The following FLT4 variants were observed in gnomAD, a reference collection of about 807,000 sequenced individuals.
The protein encoded by FLT4 is fms related receptor tyrosine kinase 4.
A neutral mutation model predicts 163.2 loss-of-function variants in FLT4; 30 were observed. The observed-to-expected ratio is 0.18, with a 90% CI of 0.14 to 0.25. The LOEUF (loss-of-function observed/expected upper bound fraction) is 0.25. Ranked by LOEUF, FLT4 falls within the 10% of genes least tolerant of loss-of-function variation. FLT4 has a pLI of 1.00. For synonymous variants in FLT4, 884 were observed against 789.5 expected, an observed-to-expected ratio of 1.12 and a Z score of -2.01; for missense variants, 1,510 against 1,863.8, an observed-to-expected ratio of 0.81 and a Z score of 3.50.
intron 26 of FLT4, 98 bp from the exon 27 acceptor site, chr5:180,611,577 A>AC: frequency 1.8e-6 from 2 of 1,088,170 alleles, no homozygotes; most frequent in South Asian, 1.6e-5. Flanking sequence ...CTCAGCCCTC[A>AC]CCCCCGCCCT....
At chr5:180,631,939 C>T (rs909325688) in intron 1 of FLT4, among the ~76,000 whole-genome samples, 161 bp from the exon 2 acceptor site, 14 of 152,206 alleles carry the variant, frequency 9.2e-5, no homozygotes, top group South Asian at 2.1e-4. Context: ...CCATGTGCGC[C>T]GTGAGCAGCA....
At chr5:180,626,339 CA>C in intron 8 of FLT4, 74 bp from the exon 9 acceptor site, 1 of 1,544,566 alleles carries the variant, frequency 6.5e-7, no homozygotes, top group Non-Finnish European at 8.9e-7. Context: ...ACCCCCACCC[CA>C]AATACAGTTG....
intron 1 of FLT4, among the ~76,000 whole-genome samples, chr5:180,643,966 C>T (rs981378977): frequency 1.3e-5 from 2 of 152,086 alleles, no homozygotes; most frequent in Admixed American, 6.6e-5. Flanking sequence ...GGATTACAGA[C>T]GCCTGCCACC....
chr5:180,643,594 T>G (rs1765291656), intron 1 of FLT4, among the ~76,000 whole-genome samples: 1 of 152,146 alleles, frequency 6.6e-6, no homozygotes, highest in Non-Finnish European at 1.5e-5. Flanking sequence ...AACCATCCCC[T>G]GCCCCTTTGC....
At position 180,636,958 on chromosome 5, in the gene FLT4, G is replaced by A. The variant is rs1490958669; in HGVS notation, c.59-5180C>T. Reference sequence around the variant, plus strand: ...AAACAGCACAACACTGGCAGCACAAGGCCCCCACAGGAGCTCCTCCCCCCC... The same window carrying A: ...AAACAGCACAACACTGGCAGCACAAAGCCCCCACAGGAGCTCCTCCCCCCC... On this transcript the variant is annotated intron_variant, in intron 1 of 29. Transcript: ENST00000261937. The surrounding 1 kb of genome is among the most constrained non-coding windows in gnomAD (Gnocchi z 4.3). 1.3e-5 allele frequency among the ~76,000 whole-genome samples: 2 copies of A among 151,984 alleles called. No homozygotes were observed. Among genetic ancestry groups the A allele is most frequent in the African/African-American group, 2.4e-5 (1 of 41,364 alleles).
chr5:180,606,881 C>A (rs1452166307), intron 29 of FLT4, among the ~76,000 whole-genome samples: 1 of 138,714 alleles, frequency 7.2e-6, no homozygotes, highest in African/African-American at 2.7e-5. Context: ...CGTGGCGAAA[C>A]CCCGTCTCTA....
At chr5:180,628,405 G>A (rs1255740901) in intron 8 of FLT4, among the ~76,000 whole-genome samples, 1 of 152,228 alleles carries the variant, frequency 6.6e-6, no homozygotes, top group Non-Finnish European at 1.5e-5. Flanking sequence ...CCTCCTGGAA[G>A]CTCTCTCGCT....
rs1484969230 is a variant in FLT4, at chr5:180,625,989, A to G, written c.1301T>C (p.Ile434Thr). Residue 434 changes from isoleucine (I) to threonine (T), a missense_variant, in exon 10 of 30, where the codon ATC becomes ACC. Coordinates refer to ENST00000261937, the MANE Select transcript of FLT4 (RefSeq NM_182925.5). ...IHEKEASSPS[I>T]YSRHSRQALT... ...GGCCTGGCGGCTGTGACGCGAGTAG[A>G]TGCTGGGGGAGGAGGCCTCCTTCTC... 1 of 1,612,572 alleles carries G rather than the reference A, an allele frequency of 6.2e-7. No homozygotes were observed. The highest frequency in any genetic ancestry group is 8.5e-7 in the Non-Finnish European group (1 of 1,179,942).
In FLT4 at chr5:180,628,204, GTGAC is replaced by G. The variant is rs1388777749; in HGVS notation, c.1103+674_1103+677del. On this transcript the variant is annotated intron_variant, in intron 8 of 29. Transcript: ENST00000261937. ...CGTCTATGCAATGGGGACTCAAAGTGTGACTGACTGTGGGTGAGCCATGTGGATG... is the reference window on the plus strand; with the variant it reads ...CGTCTATGCAATGGGGACTCAAAGTGTGACTGTGGGTGAGCCATGTGGATG... 2.0e-5 allele frequency among the ~76,000 whole-genome samples: 3 copies of G among 152,208 alleles called. No homozygotes were observed. The East Asian group carries it at 5.8e-4, about 29-fold the overall frequency.
intron 1 of FLT4, among the ~76,000 whole-genome samples, chr5:180,638,545 CTGA>C (rs1342458483): frequency 6.6e-6 from 1 of 152,228 alleles, no homozygotes; most frequent in Non-Finnish European, 1.5e-5. Flanking sequence ...AAGCACAGGC[CTGA>C]TCACACTTGT....
In FLT4 at chr5:180,630,834, GGGCAGCCCAT is replaced by G; in HGVS notation, c.156-45_156-36del. The G allele has an allele frequency of 6.3e-7, 1 of 1,578,948 alleles. No homozygotes were observed. The highest frequency in any genetic ancestry group is 8.6e-7 in the Non-Finnish European group (1 of 1,167,286). ...GACAGGAGTGGTCAGGTGGGCCCCA[GGGCAGCCCAT>G]GGGGACTGTCCCTGAGAAGCCTCCC... is the stretch of plus-strand genomic sequence containing the variant. On this transcript the variant is annotated intron_variant, in intron 2 of 29. Coordinates refer to ENST00000261937, the MANE Select transcript of FLT4 (RefSeq NM_182925.5). The surrounding 1 kb of genome is among the most constrained non-coding windows in gnomAD (Gnocchi z 6.3).
At position 180,602,893 on chromosome 5, in the gene FLT4, C is replaced by T. The variant is rs1323851715; in HGVS notation, c.*299G>A. 1.9e-5 allele frequency: 11 copies of T among 586,848 alleles called. No individual in the cohort carries two copies. The highest frequency in any genetic ancestry group is 1.1e-4 in the African/African-American group (6 of 53,678). 36.4% of individuals were successfully genotyped at this position (586,848 alleles called of 1,614,324 possible). ...GAAAGGAGGTCGCCAAAGAGACATT[C>T]CCATGGAAGTGCTGGCCCCGGGACC... On this transcript the variant is annotated 3_prime_UTR_variant, in exon 30 of 30. Transcript: ENST00000261937.
intron 1 of FLT4, among the ~76,000 whole-genome samples, chr5:180,644,492 T>C (rs929658692): frequency 1.3e-5 from 2 of 152,216 alleles, no homozygotes; most frequent in African/African-American, 4.8e-5. Flanking sequence ...GTGGCCTGTG[T>C]GCCTGCCCCT....
intron 20 of FLT4, 28 bp downstream of exon 20, chr5:180,618,993 C>CGCG (rs1762899922): frequency 1.3e-6 from 2 of 1,546,742 alleles, no homozygotes; most frequent in South Asian, 2.4e-5. Flanking sequence ...CCCCGCCGCC[C>CGCG]GCGGCGCCCC....
chr5:180,613,448 C>G, intron 24 of FLT4: 1 of 318,954 alleles, frequency 3.1e-6, no homozygotes, highest in East Asian at 6.0e-5. Flanking sequence ...TCAACAAAGC[C>G]TCTCTTGCTT....
In FLT4 at chr5:180,618,825, G is replaced by C. The variant is rs749747524; in HGVS notation, c.2946C>G (p.Phe982Leu). 20 of 1,585,804 alleles carry C rather than the reference G, an allele frequency of 1.3e-5. No individual in the cohort carries two copies. Among genetic ancestry groups the C allele is most frequent in the South Asian group, 1.0e-4 (9 of 86,998 alleles). Reference sequence around the variant, plus strand: ...CGCCCTCGGTCTTCGAGAACCGCGCGAAGAGGACCCTGTCGCTGCTCCCCG... The same window carrying C: ...CGCCCTCGGTCTTCGAGAACCGCGCCAAGAGGACCCTGTCGCTGCTCCCCG... ...RRPGSSDRVL[F>L]ARFSKTEGGA... Residue 982 changes from phenylalanine to leucine, a missense_variant, in exon 21 of 30, where the codon TTC becomes TTG. Phe to Leu is a conservative substitution (Grantham distance 22). This residue lies in a region of FLT4 where 878 missense variants were observed against 1,016.7 expected (regional missense o/e 0.86). Transcript: ENST00000261937.
intron 1 of FLT4, among the ~76,000 whole-genome samples, chr5:180,640,753 G>A (rs965998471): frequency 1.8e-4 from 27 of 152,180 alleles, no homozygotes; most frequent in African/African-American, 6.0e-4. Flanking sequence ...CCACACCTGC[G>A]TGTCCTGCGT....
intron 17 of FLT4, 134 bp from the exon 18 acceptor site, chr5:180,619,903 G>A (rs1762992630): frequency 4.2e-6 from 3 of 715,114 alleles, no homozygotes; most frequent in African/African-American, 1.8e-5. Flanking sequence ...AGCCACAGCG[G>A]GAAGACAAGG....
chr5:180,609,340 A>T (rs1392086840), intron 28 of FLT4: 1 of 522,356 alleles, frequency 1.9e-6, no homozygotes, highest in Non-Finnish European at 3.5e-6. Context: ...TGTGAAGAGC[A>T]GGAGCCGTGG....
Sources: allele counts gnomAD v4.1 joint callset (sites outside exome capture counted in the v4.1 genomes callset), GRCh38; gene constraint gnomAD v4.1.1; regional missense constraint gnomAD v4.1.1; non-coding constraint Gnocchi (gnomAD v3.1); transcripts MANE v1.5; gene names NCBI Gene and HGNC (gene_info 2026-07-23, HGNC 2026-07-21).